DSCAML1: variants seen among roughly 807,000 people sequenced by gnomAD.
DSCAML1 encodes cell adhesion molecule DSCAML1.
A neutral mutation model predicts 200.5 loss-of-function variants in DSCAML1; 38 were observed. That is an observed-to-expected ratio of 0.19 (90% CI 0.15 to 0.25). The LOEUF is 0.25. DSCAML1 is among the 10% of genes least tolerant of loss of function. DSCAML1 has a pLI of 1.00. For missense variants in DSCAML1, 2,223 were observed against 2,858.8 expected (o/e 0.78, Z 5.07); for synonymous variants, 1,215 against 1,165.0 (o/e 1.04, Z -0.87).
chr11:117,515,011 G>C (rs2049728639), intron 8 of DSCAML1, among the ~76,000 whole-genome samples: 1 of 152,250 alleles, frequency 6.6e-6, no homozygotes, highest in African/African-American at 2.4e-5. Flanking sequence ...AATGTGAGAG[G>C]CACACAGTGC....
Position 117,521,266 on chromosome 11 carries a change from C to G in DSCAML1, c.1077G>C (p.Glu359Asp). The change falls in exon 6 of 33, where the codon GAG (glutamate) becomes GAC (aspartate). Residue 359 changes from glutamate to aspartate, a missense_variant. By Grantham distance (45) the Glu-to-Asp change is conservative. Transcript: ENST00000651296. ...YRNTELVLPD[E>D]AISIRGLSNE... is the part of the protein sequence containing the mutation. ...TGCTGAGCCCGCGGATGGAGATGGC[C>G]TCGTCAGGCAGCACCAGCTCCGTGT... 1 of 1,614,190 alleles carries G rather than the reference C, an allele frequency of 6.2e-7. No homozygotes were observed. Among genetic ancestry groups the G allele is most frequent in the African/African-American group, 1.3e-5 (1 of 75,070 alleles).
chr11:117,471,810 G>T (rs1015946659), intron 15 of DSCAML1, 59 bp downstream of exon 15: 139 of 1,264,722 alleles, frequency 1.1e-4, no homozygotes, highest in Non-Finnish European at 1.4e-4. Flanking sequence ...ATCGCTGTAG[G>T]CCCCTGGTGG....
intron 1 of DSCAML1, among the ~76,000 whole-genome samples, chr11:117,794,589 G>A (rs191792792): frequency 6.6e-6 from 1 of 152,016 alleles, no homozygotes; most frequent in Admixed American, 6.6e-5. Flanking sequence ...ACAGATGGAC[G>A]TACAAATTAT....
chr11:117,762,891 A>G (rs1279045172), intron 3 of DSCAML1, among the ~76,000 whole-genome samples: 1 of 145,484 alleles, frequency 6.9e-6, no homozygotes, highest in Non-Finnish European at 1.5e-5. Context: ...TAATAATAAT[A>G]ATAATAATAA....
intron 3 of DSCAML1, among the ~76,000 whole-genome samples, chr11:117,669,049 T>A (rs1056557062): frequency 6.6e-6 from 1 of 152,180 alleles, no homozygotes; most frequent in Non-Finnish European, 1.5e-5. Flanking sequence ...CAGATCCCAC[T>A]CCTATGAATA....
At chr11:117,684,800 T>C (rs1413658994) in intron 3 of DSCAML1, among the ~76,000 whole-genome samples, 2 of 152,246 alleles carry the variant, frequency 1.3e-5, no homozygotes, top group East Asian at 1.9e-4. Context: ...TTTCTTCATA[T>C]ATTGCTGGGG....
At chr11:117,727,633 C>T (rs1591445913) in intron 3 of DSCAML1, among the ~76,000 whole-genome samples, 1 of 148,890 alleles carries the variant, frequency 6.7e-6, no homozygotes, top group African/African-American at 2.4e-5. Context: ...GATCAGGAGT[C>T]CCCACATGAA....
chr11:117,683,303 G>A (rs1300266749), intron 3 of DSCAML1, among the ~76,000 whole-genome samples: 5 of 152,178 alleles, frequency 3.3e-5, no homozygotes, highest in Non-Finnish European at 7.4e-5. Flanking sequence ...GTCCCAGGAC[G>A]TCCCAGCCTG....
In DSCAML1 at chr11:117,525,017, G is replaced by T; in HGVS notation, c.725C>A (p.Thr242Asn). 2 of 1,604,950 alleles carry T rather than the reference G, an allele frequency of 1.2e-6. No individual in the cohort carries two copies. ...CGAGGCGGTGCAGGGCAGCTCCACG[G>T]TGTGGCCGGCCCACACTTCCTGGGA... The part of the protein sequence containing the change: ...FHSQEVWAGH[T>N]VELPCTASGY... Residue 242 changes from threonine (T) to asparagine (N), a missense_variant, in exon 5 of 33, where the codon ACC (threonine) becomes AAC (asparagine). By Grantham distance (65) the Thr-to-Asn change is moderately conservative (BLOSUM62 0). This residue lies in a region of DSCAML1 where 579 missense variants were observed against 721.5 expected (regional missense o/e 0.80). Transcript: ENST00000651296.
intron 3 of DSCAML1, among the ~76,000 whole-genome samples, chr11:117,567,211 C>T (rs1040510488): frequency 4.6e-5 from 7 of 152,194 alleles, no homozygotes; most frequent in African/African-American, 1.7e-4. Context: ...TAAAAGTGTT[C>T]TTATTTCTCC....
intron 11 of DSCAML1, among the ~76,000 whole-genome samples, chr11:117,488,687 A>G (rs938043104): frequency 2.6e-5 from 4 of 152,180 alleles, no homozygotes; most frequent in Admixed American, 2.6e-4. Flanking sequence ...ACCCGATGCA[A>G]TGATCAATTG....
intron 3 of DSCAML1, among the ~76,000 whole-genome samples, chr11:117,689,995 C>T (rs1042188171): frequency 3.3e-5 from 5 of 152,052 alleles, no homozygotes; most frequent in African/African-American, 7.2e-5. Context: ...GGCTTCTAGC[C>T]GGAGGTGTTC....
chr11:117,747,351 G>A (rs73585232), intron 3 of DSCAML1, among the ~76,000 whole-genome samples: 8,871 of 152,188 alleles, frequency 0.058, 846 homozygotes, highest in African/African-American at 0.2. Flanking sequence ...TATTGATGTA[G>A]TCCTGGGCTG....
intron 14 of DSCAML1, among the ~76,000 whole-genome samples, chr11:117,477,935 G>A (rs1286486348): frequency 6.6e-6 from 1 of 152,226 alleles, no homozygotes; most frequent in African/African-American, 2.4e-5. Flanking sequence ...TTCTTTAAGA[G>A]TGCAAAGCCC....
rs1264673875 is a variant in DSCAML1 at position 117,505,442 on chromosome 11, G to T, written c.2062+12C>A. ...CTCCTCCCTCCCCTGAGGCTGGCCT[G>T]TCCCTGCTCACCACGCACGATGAGC... On this transcript the variant is annotated intron_variant, in intron 9 of 32. Transcript: ENST00000651296. This position sits in a 1 kb window ranked among gnomAD's most constrained non-coding sequence, Gnocchi z 6.7. The T allele has an allele frequency of 6.2e-7, 1 of 1,606,506 alleles. No individual in the cohort carries two copies.
In DSCAML1 at chr11:117,612,503, C is replaced by A. The variant is rs529415082; in HGVS notation, c.512-79981G>T. 7.2e-5 allele frequency among the ~76,000 whole-genome samples: 11 copies of A among 152,202 alleles called. No homozygotes were observed. The East Asian group carries it at 2.1e-3, about 29-fold the overall frequency. ...TGGATCAATTCCTGTGTTGCAGATA[C>A]AAAGGTAGTTTTGCTTGACAAATGA... On this transcript the variant is annotated intron_variant, in intron 3 of 32. Transcript: ENST00000651296.
At chr11:117,686,532 G>T (rs925797088) in intron 3 of DSCAML1, among the ~76,000 whole-genome samples, 3 of 152,246 alleles carry the variant, frequency 2.0e-5, no homozygotes, top group Non-Finnish European at 2.9e-5. Flanking sequence ...ACACTGCAGA[G>T]TCCTGGGCAC....
At chr11:117,456,522 A>T (rs932060395) in intron 19 of DSCAML1, among the ~76,000 whole-genome samples, 1 of 152,150 alleles carries the variant, frequency 6.6e-6, no homozygotes. Context: ...CCCCTGTAAC[A>T]TGGAAATAAT....
chr11:117,595,310 G>A (rs780765641), intron 3 of DSCAML1, among the ~76,000 whole-genome samples: 19 of 152,100 alleles, frequency 1.2e-4, no homozygotes, highest in Non-Finnish European at 2.5e-4. Flanking sequence ...TTTGTTGTAA[G>A]AAATTTGGAA....
Sources: gnomAD v4.1 joint callset for allele counts (sites outside exome capture counted in the v4.1 genomes callset) on GRCh38, gnomAD v4.1.1 for gene constraint, gnomAD v4.1.1 regional missense constraint, Gnocchi (gnomAD v3.1) non-coding constraint, MANE v1.5 for transcripts, NCBI Gene and HGNC (gene_info 2026-07-23, HGNC 2026-07-21) for gene names.